Variants in ADAMTSL3 observed in about 807,000 individuals in gnomAD.
The protein encoded by ADAMTSL3 is ADAMTS-like protein 3.
In ADAMTSL3, 128 loss-of-function variants were observed where a neutral mutation model predicts 201.7. The observed-to-expected ratio is 0.63, with a 90% CI of 0.55 to 0.73. The LOEUF (loss-of-function observed/expected upper bound fraction) is 0.73, where lower values mean the gene tolerates loss of function less well. ADAMTSL3 is among the 30% of genes least tolerant of loss of function. The pLI is 0.00. For missense variants in ADAMTSL3, 1,990 were observed against 2,119.6 expected (o/e 0.94, Z 1.20); for synonymous variants, 738 against 748.4 (o/e 0.99, Z 0.23).
intron 2 of ADAMTSL3, among the ~76,000 whole-genome samples, chr15:83,691,446 TCC>T (rs1193943994): frequency 6.6e-6 from 1 of 152,128 alleles, no homozygotes; most frequent in East Asian, 1.9e-4. Context: ...GCGCTTGGGC[TCC>T]CAACTGCAAG....
At chr15:83,950,280 T>G (rs1438482837) in intron 19 of ADAMTSL3, among the ~76,000 whole-genome samples, 1 of 152,154 alleles carries the variant, frequency 6.6e-6, no homozygotes, top group African/African-American at 2.4e-5. Flanking sequence ...CCCCAATGTA[T>G]GATCTTGGCA....
chr15:83,906,410 G>T (rs112565805), intron 15 of ADAMTSL3, among the ~76,000 whole-genome samples: 45 of 152,168 alleles, frequency 3.0e-4, no homozygotes, highest in African/African-American at 1.0e-3. Context: ...TTTAGGCTTA[G>T]AATCCCCTGA....
At chr15:83,748,872 G>C (rs1159126332) in intron 3 of ADAMTSL3, among the ~76,000 whole-genome samples, 14 of 152,098 alleles carry the variant, frequency 9.2e-5, no homozygotes, top group Admixed American at 9.2e-4. Context: ...AAAGACAGTG[G>C]GAGCCGGTAT....
At chr15:83,928,476 T>G (rs1187311526) in intron 17 of ADAMTSL3, among the ~76,000 whole-genome samples, 1 of 152,176 alleles carries the variant, frequency 6.6e-6, no homozygotes, top group African/African-American at 2.4e-5. Flanking sequence ...AAGTAACAAC[T>G]AAAACAGAGA....
chr15:83,668,167 T>C (rs891342299), intron 2 of ADAMTSL3, among the ~76,000 whole-genome samples: 5 of 151,746 alleles, frequency 3.3e-5, no homozygotes, highest in African/African-American at 4.8e-5. Flanking sequence ...CAAGATGAAA[T>C]GTAAAAAACA....
chr15:83,920,313 C>T (rs1256918291), intron 16 of ADAMTSL3, among the ~76,000 whole-genome samples: 4 of 152,194 alleles, frequency 2.6e-5, no homozygotes, highest in Non-Finnish European at 5.9e-5. Flanking sequence ...TTTCTTCCAG[C>T]TCCTCTTGAC....
chr15:83,797,713 C>G (rs1319170532), intron 4 of ADAMTSL3, among the ~76,000 whole-genome samples: 1 of 152,068 alleles, frequency 6.6e-6, no homozygotes, highest in African/African-American at 2.4e-5. Context: ...AAGAACCTTC[C>G]TGCACTGGTA....
At chr15:83,768,712 A>G (rs985992144) in intron 3 of ADAMTSL3, among the ~76,000 whole-genome samples, 3 of 152,156 alleles carry the variant, frequency 2.0e-5, no homozygotes, top group Non-Finnish European at 4.4e-5. Flanking sequence ...GACGACGCAA[A>G]CATACATTTT....
chr15:83,695,709 GA>G (rs1429345351), intron 2 of ADAMTSL3, among the ~76,000 whole-genome samples: 1 of 151,868 alleles, frequency 6.6e-6, no homozygotes, highest in African/African-American at 2.4e-5. Flanking sequence ...TTTTATCTTG[GA>G]AAAAAATGTG....
chr15:83,743,462 G>A (rs2062489865), intron 3 of ADAMTSL3, among the ~76,000 whole-genome samples: 1 of 146,686 alleles, frequency 6.8e-6, no homozygotes, highest in African/African-American at 2.5e-5. Context: ...GCAGTGAGCC[G>A]AGATTGCGCC....
rs1385905520 is a variant in ADAMTSL3, at chr15:83,733,953, T to G, written c.189+29445T>G. On this transcript the variant is annotated intron_variant, in intron 3 of 29. Coordinates refer to ENST00000286744, the MANE Select transcript of ADAMTSL3 (RefSeq NM_207517.3). ...CTGGATAGACATCTGGAGTGGCGTA[T>G]AAGGAATAGACAATGCAGGCGGACA... is the stretch of plus-strand genomic sequence containing the variant. Among the ~76,000 whole-genome samples, 3 of 152,082 alleles carry G rather than the reference T, an allele frequency of 2.0e-5. No homozygotes were observed. The East Asian group carries it at 5.8e-4, about 29-fold the overall frequency.
intron 4 of ADAMTSL3, among the ~76,000 whole-genome samples, chr15:83,795,048 G>A (rs910580312): frequency 5.3e-5 from 8 of 151,980 alleles, no homozygotes; most frequent in African/African-American, 1.7e-4. Flanking sequence ...GAGACAGCGT[G>A]TCACCATGCT....
chr15:83,914,075 T>C (rs1458748063), intron 16 of ADAMTSL3, among the ~76,000 whole-genome samples: 1 of 152,230 alleles, frequency 6.6e-6, no homozygotes, highest in East Asian at 1.9e-4. Flanking sequence ...TTTACTTACA[T>C]GAAGGAGACT....
At position 84,034,666 on chromosome 15, in the gene ADAMTSL3, C is replaced by T. The variant is rs1019841724; in HGVS notation, c.4755-2107C>T. ...ACCTCAGGCAGTGAATCAGAACCTT[C>T]ATGAGATTGCCTGGCCATCTACAGC... On this transcript the variant is annotated intron_variant, in intron 28 of 29. Coordinates refer to ENST00000286744, the MANE Select transcript of ADAMTSL3 (RefSeq NM_207517.3). Among the ~76,000 whole-genome samples, 19 of 152,178 alleles carry T rather than the reference C, an allele frequency of 1.2e-4. 1 individual carries two copies. Among genetic ancestry groups the T allele is most frequent in the Admixed American group, 1.2e-3 (19 of 15,274 alleles).
chr15:83,803,587 T>A (rs924934305), intron 4 of ADAMTSL3, among the ~76,000 whole-genome samples: 1 of 152,056 alleles, frequency 6.6e-6, no homozygotes, highest in African/African-American at 2.4e-5. Context: ...CATGAAGAGA[T>A]CAGATATTTT....
intron 16 of ADAMTSL3, 67 bp from the exon 17 acceptor site, chr15:83,923,837 C>G: frequency 1.3e-6 from 2 of 1,577,112 alleles, no homozygotes; most frequent in Non-Finnish European, 1.7e-6. Flanking sequence ...ACCTAAGACT[C>G]TATTTTCTTT....
chr15:83,706,055 C>G, intron 3 of ADAMTSL3, among the ~76,000 whole-genome samples: 1 of 152,148 alleles, frequency 6.6e-6, no homozygotes, highest in Non-Finnish European at 1.5e-5. Flanking sequence ...TTTCTGCCTT[C>G]CCCCTTCCCT....
intron 2 of ADAMTSL3, 94 bp from the exon 3 acceptor site, chr15:83,704,295 A>G (rs2061817690): frequency 1.3e-6 from 2 of 1,563,134 alleles, no homozygotes; most frequent in Non-Finnish European, 1.7e-6. Flanking sequence ...ACAGCTATTA[A>G]TGGTGGATTC....
intron 2 of ADAMTSL3, among the ~76,000 whole-genome samples, chr15:83,675,778 T>C (rs1307235851): frequency 6.6e-6 from 1 of 152,164 alleles, no homozygotes; most frequent in Non-Finnish European, 1.5e-5. Context: ...TTAACAGTTA[T>C]ATAGTATTAT....
Sources: gnomAD v4.1 joint callset for allele counts (sites outside exome capture counted in the v4.1 genomes callset) on GRCh38, gnomAD v4.1.1 for gene constraint, MANE v1.5 for transcripts, NCBI Gene and HGNC (gene_info 2026-07-23, HGNC 2026-07-21) for gene names.